The following HYCC2 variants were observed in gnomAD, a reference collection of about 807,000 sequenced individuals.
HYCC2 encodes hyccin PI4KA lipid kinase complex subunit 2, also known as hyccin 2.
chr2:201,000,692 T>C, the HYCC2 span, among the ~76,000 whole-genome samples: 1 of 152,228 alleles, frequency 6.6e-6, no homozygotes. Flanking sequence ...AATTACCATA[T>C]GACCTAGCAA....
the HYCC2 span, among the ~76,000 whole-genome samples, chr2:201,037,164 A>T: frequency 6.6e-6 from 1 of 152,242 alleles, no homozygotes; most frequent in Non-Finnish European, 1.5e-5. Context: ...AGAGAATAAA[A>T]TATCTAGGAA....
At chr2:200,981,541 T>C in the HYCC2 span, 3 of 1,614,234 alleles carry the variant, frequency 1.9e-6, no homozygotes, top group Non-Finnish European at 2.5e-6. The surrounding 1 kb of genome is among the most constrained non-coding windows in gnomAD (Gnocchi z 4.5). Flanking sequence ...ACTTAAGCTA[T>C]TGATTTTTGG....
At chr2:200,981,297 G>C in the HYCC2 span, 1 of 1,613,816 alleles carries the variant, frequency 6.2e-7, no homozygotes, top group Non-Finnish European at 8.5e-7. The surrounding 1 kb of genome is among the most constrained non-coding windows in gnomAD (Gnocchi z 4.5). Flanking sequence ...GCTGCATATT[G>C]AAACTTGGGG....
the HYCC2 span, chr2:201,063,592 C>T: frequency 1.9e-6 from 3 of 1,581,712 alleles, no homozygotes; most frequent in South Asian, 1.1e-5. Context: ...AGAAATACCA[C>T]ACTGTGAATG....
At chr2:200,991,123 G>A in the HYCC2 span, among the ~76,000 whole-genome samples, 1 of 152,180 alleles carries the variant, frequency 6.6e-6, no homozygotes, top group East Asian at 1.9e-4. Flanking sequence ...TATCATGACT[G>A]CTGAAAATAT....
chr2:201,015,216 A>G, the HYCC2 span, among the ~76,000 whole-genome samples: 1 of 152,190 alleles, frequency 6.6e-6, no homozygotes, highest in Non-Finnish European at 1.5e-5. Flanking sequence ...GTCTTCAGAA[A>G]GGTGCAACAC....
the HYCC2 span, among the ~76,000 whole-genome samples, chr2:201,006,065 C>T: frequency 6.6e-6 from 1 of 151,140 alleles, no homozygotes; most frequent in Non-Finnish European, 1.5e-5. Flanking sequence ...AACTCCTGAC[C>T]TTGTGATCCG....
the HYCC2 span, among the ~76,000 whole-genome samples, chr2:201,010,035 T>A: frequency 7.1e-6 from 1 of 140,676 alleles, no homozygotes; most frequent in Admixed American, 7.5e-5. Flanking sequence ...ACCCGGGAGG[T>A]GGAGGTGGCA....
the HYCC2 span, among the ~76,000 whole-genome samples, chr2:201,037,405 T>C: frequency 3.3e-4 from 50 of 152,260 alleles, no homozygotes; most frequent in African/African-American, 1.1e-3. Flanking sequence ...AAAGTTCACA[T>C]GGAACCAAAA....
chr2:200,979,010 T>C, the HYCC2 span: 3 of 152,086 alleles, frequency 2.0e-5, no homozygotes, highest in Admixed American at 6.5e-5. Context: ...CCTCCAGCCA[T>C]AGCCAAGATC....
the HYCC2 span, among the ~76,000 whole-genome samples, chr2:200,989,394 A>G: frequency 6.6e-6 from 1 of 152,204 alleles, no homozygotes; most frequent in African/African-American, 2.4e-5. Flanking sequence ...CATTTGTTTT[A>G]ATATAACTCT....
At chr2:201,001,066 A>G in the HYCC2 span, among the ~76,000 whole-genome samples, 1 of 150,010 alleles carries the variant, frequency 6.7e-6, no homozygotes, top group Non-Finnish European at 1.5e-5. Context: ...TGAACCCAGG[A>G]GGCAGAGGGT....
the HYCC2 span, among the ~76,000 whole-genome samples, chr2:200,995,796 C>T: frequency 6.6e-6 from 1 of 152,172 alleles, no homozygotes; most frequent in Non-Finnish European, 1.5e-5. Flanking sequence ...TCCTGACCCA[C>T]AAAAACTGTG....
At chr2:201,064,165 C>A in the HYCC2 span, 4 of 799,248 alleles carry the variant, frequency 5.0e-6, no homozygotes, top group Middle Eastern at 3.4e-4. Context: ...CTAGCTGCTA[C>A]AAAGAAGACA....
chr2:201,017,267 A>T, the HYCC2 span: 28 of 896,292 alleles, frequency 3.1e-5, no homozygotes, highest in East Asian at 3.3e-4. Flanking sequence ...TAATATTTTT[A>T]AAAGTCTTAA....
At chr2:201,010,103 C>CAAA in the HYCC2 span, among the ~76,000 whole-genome samples, 2 of 70,750 alleles carry the variant, frequency 2.8e-5, no homozygotes, top group South Asian at 4.6e-4. Context: ...GACTCTGTCT[C>CAAA]AAAAAAAAAA....
chr2:200,990,707 G>A, the HYCC2 span, among the ~76,000 whole-genome samples: 3 of 151,840 alleles, frequency 2.0e-5, no homozygotes, highest in Non-Finnish European at 4.4e-5. Flanking sequence ...AAGTAGCTGG[G>A]ATTACAGGCG....
At chr2:201,054,666 G>A in the HYCC2 span, among the ~76,000 whole-genome samples, 1 of 151,968 alleles carries the variant, frequency 6.6e-6, no homozygotes, top group African/African-American at 2.4e-5. Context: ...GGTGGAGGGA[G>A]GAAAGGATCC....
the HYCC2 span, among the ~76,000 whole-genome samples, chr2:201,056,158 C>T: frequency 1.5e-4 from 23 of 151,754 alleles, no homozygotes; most frequent in Non-Finnish European, 2.7e-4. Context: ...GGCGCCACTG[C>T]ACTCCAACCT....
Sources: allele counts gnomAD v4.1 joint callset (sites outside exome capture counted in the v4.1 genomes callset), GRCh38; gene constraint gnomAD v4.1.1; non-coding constraint Gnocchi (gnomAD v3.1); transcripts MANE v1.5; gene names NCBI Gene and HGNC (gene_info 2026-07-23, HGNC 2026-07-21).